SERPINB9: variants seen among roughly 807,000 people sequenced by gnomAD.
SERPINB9 encodes serpin family B member 9, also known as serpin B9.
Under a neutral mutation model 27.2 loss-of-function variants are expected in SERPINB9, and 20 were observed. The observed-to-expected ratio is 0.74, with a 90% CI of 0.52 to 1.07. The LOEUF (loss-of-function observed/expected upper bound fraction) is 1.07, where lower values mean the gene tolerates loss of function less well. SERPINB9 is among the 50% of genes least tolerant of loss of function. SERPINB9 has a pLI of 0.00. For synonymous variants in SERPINB9, 189 were observed against 180.0 expected, an observed-to-expected ratio of 1.05 and a Z score of -0.40; for missense variants, 476 against 460.1, an observed-to-expected ratio of 1.03 and a Z score of -0.32.
At chr6:2,892,102 CACTA>C in intron 5 of SERPINB9, 114 bp from the exon 6 acceptor site, 1 of 147,796 alleles carries the variant, frequency 6.8e-6, no homozygotes. Context: ...CCCCAGTTAA[CACTA>C]AAAAAAAAAA....
rs1768153223 is a variant in SERPINB9, at chr6:2,900,322, A to G, written c.168+122T>C. On this transcript the variant is annotated intron_variant, in intron 2 of 6. Transcript: ENST00000380698. ...TGGACCCCGCCTCCCTGAAACGGCC[A>G]GTGCACACTCGGGCCCCAGTCCTGC... 5.0e-6 allele frequency: 6 copies of G among 1,192,610 alleles called. No individual in the cohort carries two copies. In the South Asian group the frequency reaches 8.8e-5, roughly 17 times the overall value. The allele number at this position is 1,192,610 out of a possible 1,614,324, so 73.9% of individuals were successfully genotyped here.
chr6:2,893,136 A>G (rs561020970), intron 5 of SERPINB9, among the ~76,000 whole-genome samples: 17 of 84,460 alleles, frequency 2.0e-4, no homozygotes, highest in Admixed American at 1.5e-3. Flanking sequence ...GGTGGCAGCA[A>G]TGGTTTATGA....
At position 2,889,669 on chromosome 6, in the gene SERPINB9, T is replaced by C. The variant is rs1767718095; in HGVS notation, c.*494A>G. ...GAGATCGAGCCACTGCACTCCAGCC[T>C]GGGCGACAGAGAGCCAGACTGCGTC... is the stretch of plus-strand genomic sequence containing the variant. On this transcript the variant is annotated 3_prime_UTR_variant, in exon 7 of 7. Coordinates refer to ENST00000380698, the MANE Select transcript of SERPINB9 (RefSeq NM_004155.6). 7.1e-6 allele frequency: 1 copy of C among 140,900 alleles called. No individual in the cohort carries two copies. The highest frequency in any genetic ancestry group is 2.2e-4 in the South Asian group (1 of 4,530). The allele number at this position is 140,900 out of a possible 1,614,324, so 8.7% of individuals were successfully genotyped here.
chr6:2,899,727 A>G, intron 2 of SERPINB9: 1 of 276,344 alleles, frequency 3.6e-6, no homozygotes, highest in Non-Finnish European at 7.2e-6. Flanking sequence ...TAAAATGAGT[A>G]ATTCACTATT....
At chr6:2,893,680 A>G in intron 4 of SERPINB9, 127 bp from the exon 5 acceptor site, 1 of 741,888 alleles carries the variant, frequency 1.3e-6, no homozygotes, top group South Asian at 2.0e-5. Flanking sequence ...GTTGTTATGT[A>G]GAGAAATAAA....
intron 5 of SERPINB9, 72 bp from the exon 6 acceptor site, chr6:2,892,060 C>T (rs1767822089): frequency 2.5e-6 from 3 of 1,210,832 alleles, no homozygotes; most frequent in Non-Finnish European, 2.2e-6. Context: ...AGAGTGTTTT[C>T]AGCACCTGTG....
chr6:2,895,799 T>TAA (rs542250218), intron 3 of SERPINB9, among the ~76,000 whole-genome samples: 1 of 145,130 alleles, frequency 6.9e-6, no homozygotes. Context: ...TTGCAGTCTT[T>TAA]AAAAAAAAAA....
intron 4 of SERPINB9, among the ~76,000 whole-genome samples, chr6:2,893,794 T>C (rs1213581337): frequency 6.6e-6 from 1 of 152,112 alleles, no homozygotes; most frequent in Non-Finnish European, 1.5e-5. Flanking sequence ...AGCAGGTTGG[T>C]ACAAAGTAGA....
rs750757606 is a variant in SERPINB9, at chr6:2,888,337, T to C, written c.*1826A>G. On this transcript the variant is annotated 3_prime_UTR_variant, in exon 7 of 7. Coordinates refer to ENST00000380698, the MANE Select transcript of SERPINB9 (RefSeq NM_004155.6). ...GACCCAGCAGTTCCACTCCTAGATATATACCCAAGAGAATGCAAAATAGGC... is the reference window on the plus strand; with the variant it reads ...GACCCAGCAGTTCCACTCCTAGATACATACCCAAGAGAATGCAAAATAGGC... The C allele has an allele frequency of 3.3e-5, 5 of 152,154 alleles. No individual in the cohort carries two copies. The highest frequency in any genetic ancestry group is 7.4e-5 in the Non-Finnish European group (5 of 68,024). 9.4% of individuals were successfully genotyped at this position (152,154 alleles called of 1,614,324 possible). A position where few individuals can be genotyped will look rare whatever the true frequency, so the allele number is the denominator to read the frequency against.
At position 2,888,090 on chromosome 6, in the gene SERPINB9, G is replaced by A. The variant is rs1421572240; in HGVS notation, c.*2073C>T. 6.6e-6 allele frequency: 1 copy of A among 151,954 alleles called. No individual in the cohort carries two copies. The highest frequency in any genetic ancestry group is 1.5e-5 in the Non-Finnish European group (1 of 67,990). The allele number at this position is 151,954 out of a possible 1,614,324, so 9.4% of individuals were successfully genotyped here. A position where few individuals can be genotyped will look rare whatever the true frequency, so the allele number is the denominator to read the frequency against. ...ACTTTAGTTTCTAGCTCATTACATA[G>A]GAAATGCAAATAAAAAACACAATGA... On this transcript the variant is annotated 3_prime_UTR_variant, in exon 7 of 7. Transcript: ENST00000380698.
chr6:2,887,806 C>T lies in SERPINB9; in HGVS notation c.*2357G>A, dbSNP rs1263741083. The T allele has an allele frequency of 6.9e-6, 1 of 145,410 alleles. No individual in the cohort carries two copies. The highest frequency in any genetic ancestry group is 1.5e-5 in the Non-Finnish European group (1 of 67,364). 9.0% of individuals were successfully genotyped at this position (145,410 alleles called of 1,614,324 possible). A position where few individuals can be genotyped will look rare whatever the true frequency, so the allele number is the denominator to read the frequency against. On this transcript the variant is annotated 3_prime_UTR_variant, in exon 7 of 7. Coordinates refer to ENST00000380698, the MANE Select transcript of SERPINB9 (RefSeq NM_004155.6). ...AGGTTGCAGTGAGCCCAGATCATGC[C>T]ACTACACTCCAGCCTGGGTGACAGA...
chr6:2,900,419 G>A, intron 2 of SERPINB9, 25 bp downstream of exon 2: 2 of 1,611,926 alleles, frequency 1.2e-6, no homozygotes, highest in Admixed American at 1.7e-5. Flanking sequence ...GCCAGTCCCT[G>A]CTCCTGGCGG....
In SERPINB9 at chr6:2,895,470, C is replaced by T; in HGVS notation, c.345G>A (p.Glu115=). The T allele has an allele frequency of 6.2e-7, 1 of 1,613,832 alleles. No homozygotes were observed. The highest frequency in any genetic ancestry group is 1.1e-5 in the South Asian group (1 of 91,048). ...CTCTGATAAAGGAAAGCTCCTTCAGCTCAGCATGGTAGAATTGAAGACAGG... is the reference window on the plus strand; with the variant it reads ...CTCTGATAAAGGAAAGCTCCTTCAGTTCAGCATGGTAGAATTGAAGACAGG... ...KESCLQFYHA[E]LKELSFIRAA... Residue 115 remains glutamate (E), a synonymous_variant, in exon 4 of 7, where the codon GAG becomes GAA. Transcript: ENST00000380698.
Position 2,894,938 on chromosome 6 carries a change from G to C in SERPINB9, c.424+453C>G, listed in dbSNP as rs1022550408. ...TTTTGTATTTTTAGTAGAGATGTTG[G>C]GCGGGGGGGGGTCCCACCATGTTGG... On this transcript the variant is annotated intron_variant, in intron 4 of 6. Transcript: ENST00000380698. This position sits in a 1 kb window ranked among gnomAD's most constrained non-coding sequence, Gnocchi z 4.7. 4.7e-5 allele frequency among the ~76,000 whole-genome samples: 5 copies of C among 107,046 alleles called. No homozygotes were observed. The highest frequency in any genetic ancestry group is 9.5e-5 in the Admixed American group (1 of 10,474). The allele number at this position is 107,046 out of a possible 152,430, so 70.2% of individuals were successfully genotyped here.
rs1767681661 is a variant in SERPINB9, at chr6:2,888,892, T to G, written c.*1271A>C. On this transcript the variant is annotated 3_prime_UTR_variant, in exon 7 of 7. Coordinates refer to ENST00000380698, the MANE Select transcript of SERPINB9 (RefSeq NM_004155.6). ...AAAAAACTCAGTGATATCCAACCATTAAAAAATATAAGTTACATAGCTCGT... is the reference window on the plus strand; with the variant it reads ...AAAAAACTCAGTGATATCCAACCATGAAAAAATATAAGTTACATAGCTCGT... 1 of 152,082 alleles carries G rather than the reference T, an allele frequency of 6.6e-6. No homozygotes were observed. The highest frequency in any genetic ancestry group is 6.6e-5 in the Admixed American group (1 of 15,264). The allele number at this position is 152,082 out of a possible 1,614,324, so 9.4% of individuals were successfully genotyped here.
chr6:2,900,405 C>A (rs536611966), intron 2 of SERPINB9, 39 bp downstream of exon 2: 2 of 1,607,866 alleles, frequency 1.2e-6, no homozygotes, highest in South Asian at 2.2e-5. Flanking sequence ...AACACGCAGC[C>A]CAGGCCAGTC....
chr6:2,895,947 A>T (rs900132467), intron 3 of SERPINB9, 106 bp downstream of exon 3: 26 of 1,263,488 alleles, frequency 2.1e-5, no homozygotes, highest in Non-Finnish European at 2.7e-5. Flanking sequence ...CAATTTTTTT[A>T]AATTGGTTAA....
chr6:2,902,462 A>C (rs1005491735), intron 1 of SERPINB9, among the ~76,000 whole-genome samples: 2 of 152,172 alleles, frequency 1.3e-5, no homozygotes, highest in African/African-American at 4.8e-5. Flanking sequence ...CTCAGATTTG[A>C]AACTCCGAGA....
intron 2 of SERPINB9, among the ~76,000 whole-genome samples, chr6:2,897,837 G>T (rs894225080): frequency 3.9e-5 from 6 of 152,072 alleles, no homozygotes; most frequent in African/African-American, 1.4e-4. Flanking sequence ...TAAACAAAGG[G>T]AATGTTAAAA....
Sources: gnomAD v4.1 joint callset for allele counts (sites outside exome capture counted in the v4.1 genomes callset) on GRCh38, gnomAD v4.1.1 for gene constraint, Gnocchi (gnomAD v3.1) non-coding constraint, MANE v1.5 for transcripts, NCBI Gene and HGNC (gene_info 2026-07-23, HGNC 2026-07-21) for gene names.